Variants in CNTNAP5 observed in about 807,000 individuals in gnomAD.
CNTNAP5 encodes the protein contactin associated protein family member 5, also known as contactin-associated protein-like 5.
Under a neutral mutation model 150.2 loss-of-function variants are expected in CNTNAP5, and 72 were observed. The observed-to-expected ratio is 0.48, with a 90% CI of 0.40 to 0.58. CNTNAP5 has a LOEUF of 0.58. Ranked by LOEUF, CNTNAP5 falls within the 20% of genes least tolerant of loss-of-function variation. The pLI is 0.00. For synonymous variants in CNTNAP5, 672 were observed against 619.8 expected (o/e 1.08, Z -1.25); for missense variants, 1,636 against 1,626.2 (o/e 1.01, Z -0.10).
intron 13 of CNTNAP5, among the ~76,000 whole-genome samples, chr2:124,678,422 T>G (rs970746212): frequency 6.6e-6 from 1 of 151,780 alleles, no homozygotes. Flanking sequence ...AATACCTAAC[T>G]ACATGTTTCA....
chr2:124,098,728 A>AAAACAAACAAAC (rs146227178), intron 1 of CNTNAP5, among the ~76,000 whole-genome samples: 2 of 151,960 alleles, frequency 1.3e-5, no homozygotes, highest in Non-Finnish European at 2.9e-5. Context: ...GCGTTGAGAA[A>AAAACAAACAAAC]AAACAAACAA....
chr2:124,826,134 T>G (rs1035975730), intron 19 of CNTNAP5, among the ~76,000 whole-genome samples: 13 of 152,142 alleles, frequency 8.5e-5, no homozygotes, highest in African/African-American at 3.1e-4. Flanking sequence ...TCTTGAGATC[T>G]TACTGAGTTA....
chr2:124,221,837 C>T lies in CNTNAP5; in HGVS notation c.187+28C>T, dbSNP rs1403219026. 8 of 1,424,844 alleles carry T rather than the reference C, an allele frequency of 5.6e-6. No individual in the cohort carries two copies. In the African/African-American group the frequency reaches 9.8e-5, roughly 18 times the overall value. The allele number at this position is 1,424,844 out of a possible 1,614,324, so 88.3% of individuals were successfully genotyped here. ...AAGTAGGCTGACTGAAATCCTAATG[C>T]CAAGCACTAAATAATTACGTGGTGG... is the stretch of plus-strand genomic sequence containing the variant. On this transcript the variant is annotated intron_variant, in intron 2 of 23. Coordinates refer to ENST00000682447, the MANE Select transcript of CNTNAP5 (RefSeq NM_001367498.1).
At chr2:124,286,343 A>G (rs911443213) in intron 3 of CNTNAP5, among the ~76,000 whole-genome samples, 2 of 152,232 alleles carry the variant, frequency 1.3e-5, no homozygotes, top group African/African-American at 4.8e-5. Flanking sequence ...AAGCAGGCAT[A>G]ACTTCTTTAC....
intron 1 of CNTNAP5, among the ~76,000 whole-genome samples, chr2:124,195,429 C>T (rs950974461): frequency 2.6e-5 from 4 of 152,186 alleles, no homozygotes; most frequent in Non-Finnish European, 5.9e-5. Context: ...GCCAGAGGCT[C>T]TCTTGCAATA....
intron 1 of CNTNAP5, among the ~76,000 whole-genome samples, chr2:124,069,973 C>A (rs1240745151): frequency 6.6e-6 from 1 of 151,938 alleles, no homozygotes; most frequent in Non-Finnish European, 1.5e-5. Context: ...ATACTAATGG[C>A]AACAACATTT....
chr2:124,801,562 T>C (rs185940547), intron 19 of CNTNAP5, among the ~76,000 whole-genome samples: 84 of 152,300 alleles, frequency 5.5e-4, no homozygotes, highest in African/African-American at 2.0e-3. Context: ...GAAAAAATAA[T>C]AACCTCTGAG....
At chr2:124,136,032 G>T (rs1683964593) in intron 1 of CNTNAP5, among the ~76,000 whole-genome samples, 1 of 152,210 alleles carries the variant, frequency 6.6e-6, no homozygotes, top group African/African-American at 2.4e-5. Context: ...GAATGTTGAA[G>T]TTGTGCCATG....
chr2:124,698,009 G>A (rs779446054), intron 13 of CNTNAP5, among the ~76,000 whole-genome samples: 1 of 152,104 alleles, frequency 6.6e-6, no homozygotes, highest in Non-Finnish European at 1.5e-5. Context: ...AGCATGAAGA[G>A]GTGTGAGTGG....
At chr2:124,514,480 T>A (rs1694661100) in intron 8 of CNTNAP5, among the ~76,000 whole-genome samples, 1 of 152,214 alleles carries the variant, frequency 6.6e-6, no homozygotes. Context: ...TCATGTAACT[T>A]GAAGTTCCTC....
intron 1 of CNTNAP5, among the ~76,000 whole-genome samples, chr2:124,026,910 G>A (rs963821511): frequency 1.3e-5 from 2 of 152,224 alleles, no homozygotes; most frequent in Non-Finnish European, 2.9e-5. Flanking sequence ...CCGGAGTTAT[G>A]TCTCAAGGGA....
intron 3 of CNTNAP5, among the ~76,000 whole-genome samples, chr2:124,336,390 A>C (rs919522033): frequency 2.0e-5 from 3 of 151,642 alleles, no homozygotes; most frequent in African/African-American, 7.3e-5. Flanking sequence ...TTTTTTCATT[A>C]TACTTTAAGT....
intron 3 of CNTNAP5, among the ~76,000 whole-genome samples, chr2:124,414,915 G>C (rs2584357): frequency 0.98 from 148,871 of 152,228 alleles, 72,881 homozygotes; most frequent in East Asian, 1. Context: ...GAGTGCTGAA[G>C]AGAAGGTTCC....
intron 8 of CNTNAP5, among the ~76,000 whole-genome samples, chr2:124,508,210 C>T (rs1257429935): frequency 6.6e-6 from 1 of 152,154 alleles, no homozygotes; most frequent in Admixed American, 6.5e-5. Flanking sequence ...AGAGATACAG[C>T]TAGAAGGGGC....
intron 11 of CNTNAP5, among the ~76,000 whole-genome samples, chr2:124,580,278 T>C (rs1696380083): frequency 6.6e-6 from 1 of 152,246 alleles, no homozygotes; most frequent in Non-Finnish European, 1.5e-5. Context: ...TCTTTACATA[T>C]TTTAAGTTCA....
intron 1 of CNTNAP5, among the ~76,000 whole-genome samples, chr2:124,171,252 G>C (rs11689747): frequency 0.77 from 116,828 of 152,132 alleles, 45,521 homozygotes; most frequent in Non-Finnish European, 0.8. Context: ...GCTGCTTCGT[G>C]TCCTTCAGCA....
intron 13 of CNTNAP5, among the ~76,000 whole-genome samples, chr2:124,686,256 C>T (rs1309714814): frequency 6.6e-6 from 1 of 152,080 alleles, no homozygotes. Flanking sequence ...GACCCAATTC[C>T]TTTCCTTAAG....
intron 1 of CNTNAP5, among the ~76,000 whole-genome samples, chr2:124,054,314 G>A (rs989707402): frequency 1.3e-5 from 2 of 152,166 alleles, no homozygotes; most frequent in East Asian, 3.9e-4. Flanking sequence ...AATGCTTATG[G>A]CTTTTAAAGG....
intron 21 of CNTNAP5, among the ~76,000 whole-genome samples, chr2:124,895,347 C>T (rs1315074988): frequency 3.3e-5 from 5 of 151,380 alleles, no homozygotes; most frequent in Admixed American, 6.6e-5. Flanking sequence ...GAAGTAACAC[C>T]AGGTATGGTG....
Sources: gnomAD v4.1 joint callset for allele counts (sites outside exome capture counted in the v4.1 genomes callset) on GRCh38, gnomAD v4.1.1 for gene constraint, MANE v1.5 for transcripts, NCBI Gene and HGNC (gene_info 2026-07-23, HGNC 2026-07-21) for gene names.